The following PRRG2 variants were observed in gnomAD, a reference collection of about 807,000 sequenced individuals.
The protein encoded by PRRG2 is transmembrane gamma-carboxyglutamic acid protein 2.
A neutral mutation model predicts 27.1 loss-of-function variants in PRRG2; 23 were observed. The ratio of observed to expected loss-of-function variants is 0.85; its 90% CI spans 0.61 to 1.20. The LOEUF (loss-of-function observed/expected upper bound fraction) is 1.20. Among genes scored for constraint, PRRG2 ranks in the 50% most tolerant of loss-of-function variants. The pLI is 0.00. For missense variants in PRRG2, 276 were observed against 254.8 expected (o/e 1.08, Z -0.57); for synonymous variants, 104 against 103.4 (o/e 1.01, Z -0.03).
At chr19:49,583,096 G>GT in intron 1 of PRRG2, 111 bp from the exon 2 acceptor site, 1 of 773,644 alleles carries the variant, frequency 1.3e-6, no homozygotes, top group South Asian at 1.7e-5. Flanking sequence ...TACAGGCTGT[G>GT]TAAGTGGCTG....
intron 2 of PRRG2, 110 bp downstream of exon 2, chr19:49,583,414 C>A: frequency 6.6e-7 from 1 of 1,505,340 alleles, no homozygotes; most frequent in Non-Finnish European, 9.1e-7. Flanking sequence ...GCCCCTTCCT[C>A]CTTCAGACCC....
At chr19:49,589,445 T>A (rs1460838428) in intron 5 of PRRG2, among the ~76,000 whole-genome samples, 45 of 128,060 alleles carry the variant, frequency 3.5e-4, no homozygotes, top group Middle Eastern at 3.9e-3. Flanking sequence ...TTTTTTTTTT[T>A]TAAAAAAAGA....
At chr19:49,582,823 A>G (rs10421333) in intron 1 of PRRG2, among the ~76,000 whole-genome samples, 53,362 of 151,610 alleles carry the variant, frequency 0.35, 11,271 homozygotes, top group African/African-American at 0.6. Flanking sequence ...AGCGGAGATC[A>G]CACCAATGCA....
In PRRG2 at chr19:49,590,943, T is replaced by C. The variant is rs2080717509; in HGVS notation, c.*554T>C. The C allele has an allele frequency of 6.5e-6, 1 of 153,888 alleles. No individual in the cohort carries two copies. Among genetic ancestry groups the C allele is most frequent in the African/African-American group, 2.4e-5 (1 of 41,320 alleles). The allele number at this position is 153,888 out of a possible 1,614,324, so 9.5% of individuals were successfully genotyped here. On this transcript the variant is annotated 3_prime_UTR_variant, in exon 7 of 7. Transcript: ENST00000246794. ...GAGCTGTTCCCCTAAATAAAAACCC[T>C]TCGGAAAGGAGACCAAAAAAAGCAG...
In PRRG2 at chr19:49,590,533, T is replaced by G; in HGVS notation, c.*144T>G. 2.6e-6 allele frequency: 3 copies of G among 1,176,036 alleles called. No homozygotes were observed. Among genetic ancestry groups the G allele is most frequent in the Non-Finnish European group, 3.7e-6 (3 of 814,888 alleles). 72.9% of individuals were successfully genotyped at this position (1,176,036 alleles called of 1,614,324 possible). ...GGGTCATCCGGCCCGAGGCCTGCCC[T>G]GGCACACGCGTTTCCGCCGCGTATG... On this transcript the variant is annotated 3_prime_UTR_variant, in exon 7 of 7. Transcript: ENST00000246794.
intron 5 of PRRG2, 51 bp downstream of exon 5, chr19:49,588,683 G>A (rs1439451984): frequency 6.7e-7 from 1 of 1,496,866 alleles, no homozygotes; most frequent in Non-Finnish European, 8.8e-7. Context: ...AGGGGAGGGA[G>A]GAAGCATTGA....
intron 1 of PRRG2, 29 bp from the exon 2 acceptor site, chr19:49,583,178 C>T (rs1376478846): frequency 6.3e-7 from 1 of 1,584,578 alleles, no homozygotes; most frequent in East Asian, 2.2e-5. Flanking sequence ...GACTAAGGCC[C>T]TTGTCAGCTG....
intron 3 of PRRG2, 60 bp from the exon 4 acceptor site, chr19:49,583,853 G>GT: frequency 6.2e-7 from 1 of 1,605,784 alleles, no homozygotes; most frequent in Non-Finnish European, 8.5e-7. Context: ...GTTTGGGGGT[G>GT]TGAACCTCCC....
At chr19:49,582,181 CAGTG>C (rs1484879757) in intron 1 of PRRG2, among the ~76,000 whole-genome samples, 1 of 139,004 alleles carries the variant, frequency 7.2e-6, no homozygotes, top group African/African-American at 2.8e-5. Context: ...GCAGAGGTCA[CAGTG>C]AGCTGAGATA....
chr19:49,589,798 C>T, intron 5 of PRRG2, 102 bp from the exon 6 acceptor site: 1 of 1,318,596 alleles, frequency 7.6e-7, no homozygotes, highest in Non-Finnish European at 1.1e-6. Context: ...CAGCTCTGTC[C>T]CAGTGTCACC....
intron 5 of PRRG2, 24 bp downstream of exon 5, chr19:49,588,656 G>C: frequency 6.6e-7 from 1 of 1,516,352 alleles, no homozygotes; most frequent in East Asian, 2.5e-5. Context: ...AGCGAGGAGG[G>C]GGTGGTGGTG....
rs1233122481 is a variant in PRRG2 at position 49,590,678 on chromosome 19, A to T, written c.*289A>T. On this transcript the variant is annotated 3_prime_UTR_variant, in exon 7 of 7. Coordinates refer to ENST00000246794, the MANE Select transcript of PRRG2 (RefSeq NM_000951.3). ...CCCGTGGTAGGCAGACGCGCGGGGA[A>T]ATTCGGACCCAGGAGCCCAGCCCCG... 2.4e-5 allele frequency: 12 copies of T among 499,686 alleles called. No individual in the cohort carries two copies. The highest frequency in any genetic ancestry group is 4.3e-5 in the Non-Finnish European group (12 of 279,530). 31.0% of individuals were successfully genotyped at this position (499,686 alleles called of 1,614,324 possible).
At chr19:49,580,882 T>C (rs569795325), upstream of PRRG2, among the ~76,000 whole-genome samples, 24 of 152,178 alleles carry the variant, frequency 1.6e-4, 1 homozygote, top group Non-Finnish European at 8.8e-5. Context: ...GGAAGCCCAC[T>C]TTCCCAAATA....
chr19:49,583,065 T>C (rs1367762793), intron 1 of PRRG2, 142 bp from the exon 2 acceptor site: 3 of 643,132 alleles, frequency 4.7e-6, no homozygotes, highest in Non-Finnish European at 5.3e-6. Context: ...TTTATATAGG[T>C]AAACAGTATC....
At chr19:49,583,156 T>C (rs2080640605) in intron 1 of PRRG2, 51 bp from the exon 2 acceptor site, 1 of 1,495,026 alleles carries the variant, frequency 6.7e-7, no homozygotes, top group Non-Finnish European at 9.3e-7. Flanking sequence ...AGGCACTGCC[T>C]CATTACCCAG....
upstream of PRRG2, among the ~76,000 whole-genome samples, chr19:49,581,063 G>T (rs74491170): frequency 6.6e-6 from 1 of 152,116 alleles, no homozygotes; most frequent in African/African-American, 2.4e-5. Flanking sequence ...AAGGCATATC[G>T]TTCCCGCTAG....
At chr19:49,582,546 C>T (rs1285502018) in intron 1 of PRRG2, among the ~76,000 whole-genome samples, 3 of 151,648 alleles carry the variant, frequency 2.0e-5, no homozygotes, top group Non-Finnish European at 4.4e-5. Flanking sequence ...GCAGGCAGAT[C>T]ACTTGAGGTC....
chr19:49,583,360 C>G (rs1287088656), intron 2 of PRRG2, 56 bp downstream of exon 2: 1 of 1,577,068 alleles, frequency 6.3e-7, no homozygotes, highest in Non-Finnish European at 8.7e-7. Flanking sequence ...CCCCCTGACT[C>G]AGGAATGTTT....
At position 49,590,226 on chromosome 19, in the gene PRRG2, G is replaced by A. The variant is rs1000082702; in HGVS notation, c.591-145G>A. ...CTAGGGGCGTGGCCCAGCGTTGTATGTGTGGAGCCGTATAGGAGGGTGGGG... is the reference window on the plus strand; with the variant it reads ...CTAGGGGCGTGGCCCAGCGTTGTATATGTGGAGCCGTATAGGAGGGTGGGG... On this transcript the variant is annotated intron_variant, in intron 6 of 6. Transcript: ENST00000246794. 3.5e-6 allele frequency: 5 copies of A among 1,442,786 alleles called. No homozygotes were observed. The African/African-American group carries it at 5.7e-5, about 16-fold the overall frequency. 89.4% of individuals were successfully genotyped at this position (1,442,786 alleles called of 1,614,324 possible). A position where few individuals can be genotyped will look rare whatever the true frequency, so the allele number is the denominator to read the frequency against.
Sources: gnomAD v4.1 joint callset for allele counts (sites outside exome capture counted in the v4.1 genomes callset) on GRCh38, gnomAD v4.1.1 for gene constraint, MANE v1.5 for transcripts, NCBI Gene and HGNC (gene_info 2026-07-23, HGNC 2026-07-21) for gene names.